GRID1: variants seen among roughly 807,000 people sequenced by gnomAD.
GRID1 encodes glutamate receptor ionotropic, delta-1.
In GRID1, 28 loss-of-function variants were observed where a neutral mutation model predicts 98.0. The ratio of observed to expected loss-of-function variants is 0.29; its 90% CI spans 0.21 to 0.39. The LOEUF (loss-of-function observed/expected upper bound fraction) is 0.39. GRID1 is among the 10% of genes least tolerant of loss of function. The pLI, the probability that GRID1 is intolerant of heterozygous loss-of-function variation, is 1.00. For synonymous variants in GRID1, 553 were observed against 538.5 expected, an observed-to-expected ratio of 1.03 and a Z score of -0.37; for missense variants, 1,111 against 1,340.5, an observed-to-expected ratio of 0.83 and a Z score of 2.67.
chr10:85,809,491 C>CA (rs987201205), intron 8 of GRID1, among the ~76,000 whole-genome samples: 3 of 151,988 alleles, frequency 2.0e-5, no homozygotes, highest in Non-Finnish European at 2.9e-5. Flanking sequence ...AGCAGCTAGA[C>CA]AAAAAAGTAT....
At chr10:86,031,912 T>C (rs1241102528) in intron 4 of GRID1, among the ~76,000 whole-genome samples, 2 of 152,202 alleles carry the variant, frequency 1.3e-5, no homozygotes, top group African/African-American at 4.8e-5. Flanking sequence ...CTAAATGTTC[T>C]TCCCCTACGT....
chr10:85,791,893 G>T (rs1046472590), intron 8 of GRID1, among the ~76,000 whole-genome samples: 3 of 152,264 alleles, frequency 2.0e-5, no homozygotes, highest in African/African-American at 7.2e-5. Context: ...CTGGGCTTTT[G>T]TGCAGGGGGC....
At chr10:85,971,276 T>G (rs1340402627) in intron 4 of GRID1, among the ~76,000 whole-genome samples, 1 of 152,030 alleles carries the variant, frequency 6.6e-6, no homozygotes, top group Non-Finnish European at 1.5e-5. Context: ...CTTGCCTTAA[T>G]GTAGGCATAG....
intron 4 of GRID1, among the ~76,000 whole-genome samples, chr10:85,967,077 C>A (rs1020103144): frequency 2.6e-5 from 4 of 152,230 alleles, no homozygotes; most frequent in African/African-American, 7.2e-5. Flanking sequence ...AGTTCCCCTG[C>A]ACAAGCTCTC....
At chr10:86,336,953 T>G (rs1280223736) in intron 2 of GRID1, among the ~76,000 whole-genome samples, 5 of 151,840 alleles carry the variant, frequency 3.3e-5, no homozygotes, top group Non-Finnish European at 5.9e-5. Flanking sequence ...CACGCCATTC[T>G]CCTGCCTCAG....
chr10:86,330,863 C>T (rs1307939120), intron 2 of GRID1, among the ~76,000 whole-genome samples: 1 of 152,230 alleles, frequency 6.6e-6, no homozygotes, highest in African/African-American at 2.4e-5. Context: ...CAGGTGATGG[C>T]TCATCTCACA....
intron 2 of GRID1, among the ~76,000 whole-genome samples, chr10:86,360,211 T>C (rs947161050): frequency 6.6e-6 from 1 of 152,234 alleles, no homozygotes; most frequent in Non-Finnish European, 1.5e-5. Context: ...ATGCAGTTAC[T>C]AGAAGTAATG....
In GRID1 at chr10:85,617,668, G is replaced by C. The variant is rs575526458; in HGVS notation, c.2360+2199C>G. ...TGTGGGAAGCCAGCACAGGCCACTGGTGACATTTCCTTATAATCACAGAGC... is the reference window on the plus strand; with the variant it reads ...TGTGGGAAGCCAGCACAGGCCACTGCTGACATTTCCTTATAATCACAGAGC... On this transcript the variant is annotated intron_variant, in intron 14 of 15. Transcript: ENST00000327946. Among the ~76,000 whole-genome samples the C allele has an allele frequency of 3.6e-4, 55 of 152,302 alleles. 1 individual carries two copies. Among genetic ancestry groups the C allele is most frequent in the Admixed American group, 2.2e-3 (33 of 15,306 alleles).
At chr10:86,180,162 T>A (rs1845635012) in intron 3 of GRID1, among the ~76,000 whole-genome samples, 1 of 152,058 alleles carries the variant, frequency 6.6e-6, no homozygotes, top group Admixed American at 6.5e-5. Flanking sequence ...GGCCGCCAGC[T>A]AGCTTGTGAG....
intron 4 of GRID1, among the ~76,000 whole-genome samples, chr10:85,975,310 C>A (rs1045912796): frequency 1.1e-4 from 17 of 152,164 alleles, no homozygotes; most frequent in Admixed American, 3.3e-4. Context: ...TGCTGAGGTG[C>A]AGGGTGGACA....
intron 4 of GRID1, among the ~76,000 whole-genome samples, chr10:85,922,414 A>C (rs1841718222): frequency 6.6e-6 from 1 of 152,242 alleles, no homozygotes; most frequent in Non-Finnish European, 1.5e-5. Context: ...TACAAAGTGC[A>C]AATGCCACCA....
chr10:86,088,055 G>A (rs1301102129), intron 4 of GRID1, among the ~76,000 whole-genome samples: 3 of 152,188 alleles, frequency 2.0e-5, no homozygotes, highest in African/African-American at 7.2e-5. Context: ...AAACGCTTCC[G>A]TGGCTTTGTA....
chr10:85,884,976 A>G (rs982103025), intron 5 of GRID1, among the ~76,000 whole-genome samples: 1 of 152,168 alleles, frequency 6.6e-6, no homozygotes, highest in African/African-American at 2.4e-5. Flanking sequence ...GTAAAAAAAA[A>G]GACTCTTTTA....
At chr10:85,989,587 T>C (rs1253939462) in intron 4 of GRID1, among the ~76,000 whole-genome samples, 1 of 152,198 alleles carries the variant, frequency 6.6e-6, no homozygotes. Context: ...GAATTAAGCA[T>C]GCGACAGATC....
At chr10:86,301,657 A>G (rs1761191010) in intron 2 of GRID1, among the ~76,000 whole-genome samples, 1 of 152,140 alleles carries the variant, frequency 6.6e-6, no homozygotes, top group South Asian at 2.1e-4. Context: ...AGAATGAGAA[A>G]GCCAGTGCAT....
intron 8 of GRID1, among the ~76,000 whole-genome samples, chr10:85,763,864 C>T (rs1233965012): frequency 3.3e-5 from 5 of 152,000 alleles, no homozygotes; most frequent in Non-Finnish European, 7.3e-5. Flanking sequence ...CAAAAGGTAC[C>T]AATTCATGAT....
At chr10:86,185,038 T>C (rs1845709529) in intron 3 of GRID1, among the ~76,000 whole-genome samples, 1 of 152,140 alleles carries the variant, frequency 6.6e-6, no homozygotes, top group African/African-American at 2.4e-5. Flanking sequence ...GAGATTTCTA[T>C]TGGGATTACA....
At chr10:86,084,378 G>A (rs1003079585) in intron 4 of GRID1, among the ~76,000 whole-genome samples, 14 of 152,112 alleles carry the variant, frequency 9.2e-5, no homozygotes, top group African/African-American at 1.7e-4. Flanking sequence ...AAGAAAATAC[G>A]TATTGTTGAG....
rs552842714 is a variant in GRID1 at position 85,932,628 on chromosome 10, A to G, written c.727-16389T>C. Among the ~76,000 whole-genome samples the G allele has an allele frequency of 6.6e-5, 10 of 152,358 alleles. No individual in the cohort carries two copies. In the South Asian group the frequency reaches 2.1e-3, roughly 32 times the overall value. The stretch of plus-strand genomic sequence containing the variant: ...TAACCCTTTGCCATCATTTTAGAAT[A>G]GTTTAGGGGAGAGCAGGGATAAACA... On this transcript the variant is annotated intron_variant, in intron 4 of 15. Coordinates refer to ENST00000327946, the MANE Select transcript of GRID1 (RefSeq NM_017551.3).
Sources: gnomAD v4.1 joint callset for allele counts (sites outside exome capture counted in the v4.1 genomes callset) on GRCh38, gnomAD v4.1.1 for gene constraint, MANE v1.5 for transcripts, NCBI Gene and HGNC (gene_info 2026-07-23, HGNC 2026-07-21) for gene names.